The following MACROH2A1 variants were observed in gnomAD, a reference collection of about 807,000 sequenced individuals.
The protein encoded by MACROH2A1 is macroH2A.1 histone, also known as core histone macro-H2A.1.
MACROH2A1 carries 2 observed loss-of-function variants against 31.6 expected under a neutral mutation model. That is an observed-to-expected ratio of 0.06 (90% CI 0.03 to 0.20). The LOEUF is 0.20. MACROH2A1 is among the 10% of genes least tolerant of loss of function. The probability of loss-of-function intolerance (pLI) is 1.00; values close to 1 mark genes in which losing one functional copy is unlikely to be tolerated. For synonymous variants in MACROH2A1, 169 were observed against 189.6 expected (o/e 0.89, Z 0.89); for missense variants, 230 against 474.0 (o/e 0.49, Z 4.78).
intron 5 of MACROH2A1, chr5:135,358,145 C>CT (rs1370914347): frequency 3.0e-6 from 3 of 984,758 alleles, no homozygotes; most frequent in African/African-American, 1.7e-5. Context: ...TGATTTTTGC[C>CT]TTTTTTACAC....
At chr5:135,353,184 A>G (rs1261923223) in intron 5 of MACROH2A1, 139 bp from the exon 6 acceptor site, 1 of 641,556 alleles carries the variant, frequency 1.6e-6, no homozygotes, top group Non-Finnish European at 2.8e-6. Context: ...GCTGGCTCAA[A>G]TGAACCCATT....
intron 7 of MACROH2A1, chr5:135,343,873 T>A (rs1193201670): frequency 4.4e-6 from 1 of 227,774 alleles, no homozygotes; most frequent in Non-Finnish European, 8.8e-6. Flanking sequence ...GATGTATTTG[T>A]CTCTACTATG....
At chr5:135,335,291 T>C (rs1198626020) in intron 8 of MACROH2A1, 150 bp from the exon 9 acceptor site, 3 of 624,682 alleles carry the variant, frequency 4.8e-6, no homozygotes, top group African/African-American at 1.8e-5. Context: ...TACGCCAGTG[T>C]GGGAAAGCCC....
chr5:135,378,703 C>G (rs1196108942), intron 2 of MACROH2A1, among the ~76,000 whole-genome samples: 1 of 152,194 alleles, frequency 6.6e-6, no homozygotes, highest in Non-Finnish European at 1.5e-5. Flanking sequence ...CAATTTACTC[C>G]TAAGAAAGCT....
chr5:135,356,804 T>A (rs1006113542), intron 5 of MACROH2A1: 10 of 152,192 alleles, frequency 6.6e-5, no homozygotes, highest in African/African-American at 2.4e-4. Context: ...TTGGTTCTTT[T>A]AAAAAAATAT....
chr5:135,398,694 G>A lies in MACROH2A1; in HGVS notation c.-34+368C>T, dbSNP rs1466800504. ...AGGCCCAGACTGCCTAGCCAGCGCC[G>A]CGGGGCCTCCTGCGGCCTCGGGCCT... is the stretch of plus-strand genomic sequence containing the variant. On this transcript the variant is annotated intron_variant, in intron 1 of 8. Coordinates refer to ENST00000511689, the MANE Select transcript of MACROH2A1 (RefSeq NM_138610.3). This position sits in a 1 kb window ranked among gnomAD's most constrained non-coding sequence, Gnocchi z 4.6. 1.3e-5 allele frequency among the ~76,000 whole-genome samples: 2 copies of A among 152,162 alleles called. No individual in the cohort carries two copies. The highest frequency in any genetic ancestry group is 2.4e-5 in the African/African-American group (1 of 41,458).
rs564162185 is a variant in MACROH2A1, at chr5:135,365,900, G to A, written c.477+3506C>T. Among the ~76,000 whole-genome samples the A allele has an allele frequency of 2.0e-5, 3 of 152,316 alleles. No homozygotes were observed. In the East Asian group the frequency reaches 5.8e-4, roughly 29 times the overall value. ...TGTAGAAGGGTGATGATATGGTTTG[G>A]CTCTGTGCCCCCCACCCAAATCTCA... On this transcript the variant is annotated intron_variant, in intron 4 of 8. Coordinates refer to ENST00000511689, the MANE Select transcript of MACROH2A1 (RefSeq NM_138610.3).
chr5:135,366,808 C>A (rs1043551863), intron 4 of MACROH2A1, among the ~76,000 whole-genome samples: 7 of 152,080 alleles, frequency 4.6e-5, no homozygotes, highest in Non-Finnish European at 8.8e-5. Context: ...CATACGGTTA[C>A]TGAATTGTAA....
intron 4 of MACROH2A1, among the ~76,000 whole-genome samples, chr5:135,366,174 C>T (rs1295244642): frequency 6.6e-6 from 1 of 152,206 alleles, no homozygotes; most frequent in Non-Finnish European, 1.5e-5. Flanking sequence ...GGAACTGTGA[C>T]TCAATTAAAC....
At chr5:135,385,552 C>A (rs1766281714) in intron 2 of MACROH2A1, among the ~76,000 whole-genome samples, 1 of 152,182 alleles carries the variant, frequency 6.6e-6, no homozygotes, top group Non-Finnish European at 1.5e-5. Context: ...CTTGACCAGA[C>A]CCTAAGCTGC....
rs752434135 is a variant in MACROH2A1 at position 135,345,990 on chromosome 5, G to A, written c.756C>T (p.Asn252=). 44 of 1,612,998 alleles carry A rather than the reference G, an allele frequency of 2.7e-5. No homozygotes were observed. The highest frequency in any genetic ancestry group is 1.6e-4 in the Middle Eastern group (1 of 6,082). ...VEAVLELRKK[N]GPLEVAGAAV... ...CACCTCCAGCTACTTCCAAGGGCCC[G>A]TTCTTTTTCCGGAGTTCCAGGACAG... The change falls in exon 7 of 9, where the codon AAC becomes AAT. Residue 252 remains asparagine (N), a synonymous_variant. Coordinates refer to ENST00000511689, the MANE Select transcript of MACROH2A1 (RefSeq NM_138610.3).
At chr5:135,338,391 G>C (rs1412833578) in intron 8 of MACROH2A1, among the ~76,000 whole-genome samples, 1 of 152,246 alleles carries the variant, frequency 6.6e-6, no homozygotes, top group Non-Finnish European at 1.5e-5. Context: ...ATGGCACAGA[G>C]AGTCTTCAGT....
chr5:135,372,641 T>C (rs1764317170), intron 2 of MACROH2A1, among the ~76,000 whole-genome samples: 1 of 152,240 alleles, frequency 6.6e-6, no homozygotes, highest in Non-Finnish European at 1.5e-5. Context: ...TTCATTCTCC[T>C]GTGTTCATGG....
chr5:135,359,626 T>C (rs1762591594), intron 5 of MACROH2A1: 1 of 985,196 alleles, frequency 1.0e-6, no homozygotes. Context: ...GGGAACCGTG[T>C]CACTGTGATG....
In MACROH2A1 at chr5:135,358,378, CT is replaced by C. The variant is rs1327575965; in HGVS notation, c.588+2118del. ...TGGAGTTTATTCTGCTAAACAGTGT[CT>C]GCAGCACTAGATTTTTGGGTACCTC... On this transcript the variant is annotated intron_variant, in intron 5 of 8. Coordinates refer to ENST00000511689, the MANE Select transcript of MACROH2A1 (RefSeq NM_138610.3). 5 of 985,222 alleles carry C rather than the reference CT, an allele frequency of 5.1e-6. No individual in the cohort carries two copies. In the African/African-American group the frequency reaches 5.2e-5, roughly 10 times the overall value. 61.0% of individuals were successfully genotyped at this position (985,222 alleles called of 1,614,324 possible). A position where few individuals can be genotyped will look rare whatever the true frequency, so the allele number is the denominator to read the frequency against.
At chr5:135,342,163 C>A (rs1370595169) in intron 8 of MACROH2A1, among the ~76,000 whole-genome samples, 1 of 152,210 alleles carries the variant, frequency 6.6e-6, no homozygotes, top group Non-Finnish European at 1.5e-5. Flanking sequence ...GTAGGGAGGA[C>A]CCTAGCAATG....
At chr5:135,395,163 C>T (rs1424857986) in intron 1 of MACROH2A1, among the ~76,000 whole-genome samples, 3 of 152,198 alleles carry the variant, frequency 2.0e-5, no homozygotes, top group African/African-American at 7.2e-5. Context: ...CTCCTCCTGC[C>T]TCTGGCTCAG....
At position 135,399,042 on chromosome 5, in the gene MACROH2A1, G is replaced by T; in HGVS notation, c.-34+20C>A. 6.6e-6 allele frequency: 1 copy of T among 151,790 alleles called. No individual in the cohort carries two copies. The highest frequency in any genetic ancestry group is 1.8e-4 in the South Asian group (1 of 5,476). 9.4% of individuals were successfully genotyped at this position (151,790 alleles called of 1,614,324 possible). On this transcript the variant is annotated intron_variant, in intron 1 of 8. Transcript: ENST00000511689. The surrounding 1 kb of genome is among the most constrained non-coding windows in gnomAD (Gnocchi z 4.5). ...CGGCGGGGACAGGGAGTGCGGCAAG[G>T]GGGCCCGCGCGGCACTTACGCGGCG... is the stretch of plus-strand genomic sequence containing the variant.
intron 2 of MACROH2A1, among the ~76,000 whole-genome samples, chr5:135,383,818 T>G (rs752581415): frequency 6.7e-6 from 1 of 149,856 alleles, no homozygotes; most frequent in East Asian, 2.1e-4. Context: ...TAAGCCCCAG[T>G]GCAGCATGAG....
Sources: gnomAD v4.1 joint callset for allele counts (sites outside exome capture counted in the v4.1 genomes callset) on GRCh38, gnomAD v4.1.1 for gene constraint, Gnocchi (gnomAD v3.1) non-coding constraint, MANE v1.5 for transcripts, NCBI Gene and HGNC (gene_info 2026-07-23, HGNC 2026-07-21) for gene names.